The following GRM7 variants were observed in gnomAD, a reference collection of about 807,000 sequenced individuals.
GRM7 encodes the protein metabotropic glutamate receptor 7.
In GRM7, 35 loss-of-function variants were observed where a neutral mutation model predicts 84.5. The ratio of observed to expected loss-of-function variants is 0.41; its 90% CI spans 0.32 to 0.55. GRM7 has a LOEUF of 0.55. GRM7 is among the 20% of genes least tolerant of loss of function. GRM7 has a pLI of 0.19. For synonymous variants in GRM7, 487 were observed against 455.1 expected (o/e 1.07, Z -0.89); for missense variants, 1,003 against 1,194.6 (o/e 0.84, Z 2.36).
At chr3:7,130,560 GAAAAAAAA>G (rs968563099) in intron 1 of GRM7, among the ~76,000 whole-genome samples, 1 of 41,534 alleles carries the variant, frequency 2.4e-5, no homozygotes, top group Admixed American at 1.5e-4. Context: ...AAAAAGAAAA[GAAAAAAAA>G]AAAGGATTAA....
At chr3:6,976,174 A>C (rs1283045014) in intron 1 of GRM7, among the ~76,000 whole-genome samples, 1 of 152,274 alleles carries the variant, frequency 6.6e-6, no homozygotes, top group East Asian at 1.9e-4. Flanking sequence ...TTAGGAACCC[A>C]TGCTGTAGTT....
At chr3:7,183,693 G>A (rs1443701467) in intron 2 of GRM7, among the ~76,000 whole-genome samples, 3 of 152,052 alleles carry the variant, frequency 2.0e-5, no homozygotes, top group East Asian at 3.8e-4. Flanking sequence ...CTTTTCATGA[G>A]TCTGGCATAA....
chr3:6,971,193 A>G (rs1464023521), intron 1 of GRM7, among the ~76,000 whole-genome samples: 1 of 152,194 alleles, frequency 6.6e-6, no homozygotes, highest in Non-Finnish European at 1.5e-5. Context: ...AAAATTAAAA[A>G]TAACAACAAA....
At chr3:6,867,986 T>C (rs1320298854) in intron 1 of GRM7, among the ~76,000 whole-genome samples, 2 of 152,216 alleles carry the variant, frequency 1.3e-5, no homozygotes, top group African/African-American at 4.8e-5. Flanking sequence ...TTCAATGATA[T>C]AGGATATATG....
chr3:7,324,146 T>G (rs746588308), intron 4 of GRM7, among the ~76,000 whole-genome samples: 2 of 152,172 alleles, frequency 1.3e-5, no homozygotes, highest in Admixed American at 6.6e-5. Context: ...TATTTCCTGA[T>G]CCAGAACTTC....
intron 4 of GRM7, among the ~76,000 whole-genome samples, chr3:7,399,037 T>G (rs1695336766): frequency 6.6e-6 from 1 of 152,100 alleles, no homozygotes; most frequent in South Asian, 2.1e-4. Flanking sequence ...TTCATCCTTT[T>G]AATTCCCAGC....
intron 8 of GRM7, among the ~76,000 whole-genome samples, chr3:7,628,027 C>A (rs1697696114): frequency 6.6e-6 from 1 of 152,124 alleles, no homozygotes. Context: ...CCATCCCCTG[C>A]CACCCGTGCA....
chr3:7,058,520 A>C (rs1189918738), intron 1 of GRM7, among the ~76,000 whole-genome samples: 3 of 151,870 alleles, frequency 2.0e-5, no homozygotes, highest in African/African-American at 7.2e-5. Flanking sequence ...ATCTGGTTAG[A>C]GTTTATGTTC....
chr3:7,255,617 C>T (rs1698165482), intron 2 of GRM7, among the ~76,000 whole-genome samples: 1 of 152,178 alleles, frequency 6.6e-6, no homozygotes, highest in African/African-American at 2.4e-5. Flanking sequence ...AATCATTCTG[C>T]TCATTCAAGG....
At chr3:7,184,761 T>A (rs1048856961) in intron 2 of GRM7, among the ~76,000 whole-genome samples, 1 of 152,204 alleles carries the variant, frequency 6.6e-6, no homozygotes, top group African/African-American at 2.4e-5. Flanking sequence ...ATGAACAATG[T>A]TGTGGCGGAT....
intron 7 of GRM7, among the ~76,000 whole-genome samples, chr3:7,529,023 T>C (rs1046376001): frequency 6.6e-5 from 10 of 150,534 alleles, no homozygotes; most frequent in African/African-American, 2.4e-4. Flanking sequence ...AGATATCTAT[T>C]AGGTCTAATT....
At chr3:7,136,803 CAA>C (rs1468580754) in intron 1 of GRM7, among the ~76,000 whole-genome samples, 1 of 152,084 alleles carries the variant, frequency 6.6e-6, no homozygotes, top group African/African-American at 2.4e-5. Context: ...AATGGGGAAA[CAA>C]TGATGAGCAA....
intron 1 of GRM7, among the ~76,000 whole-genome samples, chr3:7,038,623 A>G (rs1696473332): frequency 6.6e-6 from 1 of 152,160 alleles, no homozygotes; most frequent in Admixed American, 6.5e-5. Context: ...TACTGCAATT[A>G]CTTTCATCAT....
At chr3:7,527,037 G>A (rs779960101) in intron 7 of GRM7, among the ~76,000 whole-genome samples, 3 of 151,644 alleles carry the variant, frequency 2.0e-5, no homozygotes, top group African/African-American at 7.3e-5. Flanking sequence ...AAAAATTTTA[G>A]AATTCTTTTT....
At chr3:7,631,070 C>A (rs1221090758) in intron 8 of GRM7, among the ~76,000 whole-genome samples, 1 of 152,170 alleles carries the variant, frequency 6.6e-6, no homozygotes, top group East Asian at 1.9e-4. Context: ...GACTGCTTGC[C>A]AAACACCGTG....
intron 1 of GRM7, among the ~76,000 whole-genome samples, chr3:7,039,397 A>G (rs1313388184): frequency 6.6e-6 from 1 of 152,176 alleles, no homozygotes; most frequent in Non-Finnish European, 1.5e-5. Context: ...CGGATTAAGA[A>G]ATTCTATTTA....
At chr3:7,222,156 G>T (rs1341523950) in intron 2 of GRM7, among the ~76,000 whole-genome samples, 5 of 152,034 alleles carry the variant, frequency 3.3e-5, no homozygotes, top group African/African-American at 1.2e-4. Flanking sequence ...TTCCTTGAAA[G>T]TATATTTGTG....
chr3:7,209,034 A>T lies in GRM7; in HGVS notation c.736+62366A>T, dbSNP rs140994759. Among the ~76,000 whole-genome samples the T allele has an allele frequency of 4.9e-3, 747 of 152,300 alleles. 5 individuals are homozygous for T. The highest frequency in any genetic ancestry group is 0.017 in the African/African-American group (688 of 41,574). Reference sequence around the variant, plus strand: ...AAAATGCATACACCTAACTTACTGAATCTCACAGCCTTGCCTAGTCTACTT... The same window carrying T: ...AAAATGCATACACCTAACTTACTGATTCTCACAGCCTTGCCTAGTCTACTT... On this transcript the variant is annotated intron_variant, in intron 2 of 9. Transcript: ENST00000357716.
At chr3:7,552,661 C>T (rs1270757099) in intron 7 of GRM7, among the ~76,000 whole-genome samples, 5 of 152,232 alleles carry the variant, frequency 3.3e-5, no homozygotes, top group Non-Finnish European at 5.9e-5. Flanking sequence ...GGCTTGCACC[C>T]TCTGAAGCAG....
Sources: gnomAD v4.1 joint callset for allele counts (sites outside exome capture counted in the v4.1 genomes callset) on GRCh38, gnomAD v4.1.1 for gene constraint, MANE v1.5 for transcripts, NCBI Gene and HGNC (gene_info 2026-07-23, HGNC 2026-07-21) for gene names.